The following ZNF385B variants were observed in gnomAD, a reference collection of about 807,000 sequenced individuals.
ZNF385B encodes the protein zinc finger protein 533.
ZNF385B carries 23 observed loss-of-function variants against 39.2 expected under a neutral mutation model. The ratio of observed to expected loss-of-function variants is 0.59; its 90% CI spans 0.42 to 0.83. ZNF385B has a LOEUF of 0.83. Among genes scored for constraint, ZNF385B ranks in the 40% least tolerant of loss-of-function variants. ZNF385B has a pLI of 0.00. For synonymous variants in ZNF385B, 205 were observed against 222.6 expected (o/e 0.92, Z 0.70); for missense variants, 552 against 598.9 (o/e 0.92, Z 0.82).
In ZNF385B at chr2:179,581,900, G is replaced by A. The variant is rs1228185997; in HGVS notation, c.299-36931C>T. Among the ~76,000 whole-genome samples, 5 of 152,152 alleles carry A rather than the reference G, an allele frequency of 3.3e-5. No homozygotes were observed. The South Asian group carries it at 8.3e-4, about 25-fold the overall frequency. ...ACAACATGGAGTAGACTGGGCTCCC[G>A]ATAAGCTGTAATACCATTTCTGAAT... On this transcript the variant is annotated intron_variant, in intron 3 of 9. Transcript: ENST00000410066.
chr2:179,812,756 C>G (rs1365758555), intron 1 of ZNF385B, among the ~76,000 whole-genome samples: 1 of 152,080 alleles, frequency 6.6e-6, no homozygotes, highest in Non-Finnish European at 1.5e-5. Context: ...TAGAAAGTAT[C>G]AAAAACAAAG....
At chr2:179,841,312 T>C (rs573512022) in intron 1 of ZNF385B, among the ~76,000 whole-genome samples, 1 of 152,212 alleles carries the variant, frequency 6.6e-6, no homozygotes, top group East Asian at 1.9e-4. Context: ...GTGGAGAGTT[T>C]TGATACAAGA....
intron 3 of ZNF385B, among the ~76,000 whole-genome samples, chr2:179,594,354 A>G (rs1465134347): frequency 1.3e-5 from 2 of 152,210 alleles, no homozygotes; most frequent in African/African-American, 4.8e-5. Flanking sequence ...AAAATGGTCC[A>G]GTGCTCTCAA....
intron 1 of ZNF385B, among the ~76,000 whole-genome samples, chr2:179,850,831 G>C (rs915716882): frequency 1.3e-5 from 2 of 152,162 alleles, no homozygotes; most frequent in Non-Finnish European, 2.9e-5. Flanking sequence ...AGTGTGGTAT[G>C]ACCTTTCCAA....
At chr2:179,620,638 T>G (rs1690133007) in intron 3 of ZNF385B, among the ~76,000 whole-genome samples, 1 of 152,140 alleles carries the variant, frequency 6.6e-6, no homozygotes, top group Admixed American at 6.6e-5. Flanking sequence ...AAGCTAATTT[T>G]GGCAGATCGG....
chr2:179,582,323 T>C lies in ZNF385B; in HGVS notation c.299-37354A>G, dbSNP rs553811722. Among the ~76,000 whole-genome samples, 8 of 152,330 alleles carry C rather than the reference T, an allele frequency of 5.3e-5. No homozygotes were observed. The South Asian group carries it at 1.7e-3, about 32-fold the overall frequency. On this transcript the variant is annotated intron_variant, in intron 3 of 9. Transcript: ENST00000410066. ...ACCCTTATTTTTCTAATAAAGTGTC[T>C]AGCAGTTGGTTACCAGCTCCTCCAG...
intron 3 of ZNF385B, among the ~76,000 whole-genome samples, chr2:179,757,961 T>C (rs371388919): frequency 4.1e-3 from 621 of 152,020 alleles, no homozygotes; most frequent in Middle Eastern, 0.014. Flanking sequence ...TGGGCTGCAC[T>C]CACTGTCCCG....
chr2:179,666,393 T>C (rs1695162430), intron 3 of ZNF385B, among the ~76,000 whole-genome samples: 2 of 152,214 alleles, frequency 1.3e-5, no homozygotes, highest in South Asian at 4.1e-4. Context: ...ATCAGTAATA[T>C]ACTGTTTTCC....
intron 6 of ZNF385B, among the ~76,000 whole-genome samples, chr2:179,459,617 A>G (rs533896911): frequency 0.034 from 4,199 of 123,212 alleles, 192 homozygotes; most frequent in African/African-American, 0.12. Context: ...GTGTGTGTGT[A>G]TGTGTGTGTG....
intron 3 of ZNF385B, among the ~76,000 whole-genome samples, chr2:179,658,476 T>C (rs573378128): frequency 3.9e-5 from 6 of 152,326 alleles, no homozygotes; most frequent in African/African-American, 1.4e-4. Flanking sequence ...AATCATTTCA[T>C]ACAGGAAATG....
chr2:179,601,862 T>C (rs1376786263), intron 3 of ZNF385B, among the ~76,000 whole-genome samples: 1 of 152,164 alleles, frequency 6.6e-6, no homozygotes, highest in Admixed American at 6.5e-5. Flanking sequence ...AAATATGCCA[T>C]GAGGACTATC....
At chr2:179,671,715 C>G (rs190980375) in intron 3 of ZNF385B, among the ~76,000 whole-genome samples, 78 of 152,334 alleles carry the variant, frequency 5.1e-4, no homozygotes, top group Admixed American at 4.2e-3. Context: ...TGTCTCAAGG[C>G]TCTGCCACCT....
At position 179,518,594 on chromosome 2, in the gene ZNF385B, T is replaced by C. The variant is rs772203058; in HGVS notation, c.486A>G (p.Val162=). Residue 162 remains valine, a synonymous_variant, in exon 5 of 10, where the codon GTA becomes GTG. Coordinates refer to ENST00000410066, the MANE Select transcript of ZNF385B (RefSeq NM_152520.6). The stretch of plus-strand genomic sequence containing the variant: ...CTTGTTTCTTCTTTGGGGGAATGGA[T>C]ACTCCAAATGTATGGTTAATAACCG... ...QKAVINHTFG[V]SIPPKKKQVI... The C allele has an allele frequency of 8.1e-6, 13 of 1,608,636 alleles. No individual in the cohort carries two copies. The highest frequency in any genetic ancestry group is 1.1e-5 in the Non-Finnish European group (13 of 1,178,258).
intron 1 of ZNF385B, among the ~76,000 whole-genome samples, chr2:179,788,722 G>A (rs551883685): frequency 6.6e-6 from 1 of 152,306 alleles, no homozygotes; most frequent in African/African-American, 2.4e-5. Context: ...CAAAATCCGA[G>A]ACTGTTCAGA....
chr2:179,573,517 T>G (rs1448084709), intron 3 of ZNF385B, among the ~76,000 whole-genome samples: 2 of 152,144 alleles, frequency 1.3e-5, no homozygotes, highest in Non-Finnish European at 2.9e-5. Context: ...ATTTATCATT[T>G]TGCTCAATAT....
intron 1 of ZNF385B, among the ~76,000 whole-genome samples, chr2:179,781,447 T>C (rs1376560575): frequency 6.6e-6 from 1 of 152,186 alleles, no homozygotes; most frequent in Non-Finnish European, 1.5e-5. Flanking sequence ...GTTGCTTGAA[T>C]ATACATATTG....
chr2:179,735,897 G>T, intron 3 of ZNF385B, among the ~76,000 whole-genome samples: 1 of 114,496 alleles, frequency 8.7e-6, no homozygotes, highest in East Asian at 3.3e-4. Flanking sequence ...TGGGGGGAGG[G>T]GGGAGGGATA....
At chr2:179,459,671 CTTAA>C (rs1415066018) in intron 6 of ZNF385B, among the ~76,000 whole-genome samples, 1 of 149,892 alleles carries the variant, frequency 6.7e-6, no homozygotes, top group Non-Finnish European at 1.5e-5. Flanking sequence ...AAATGTAAAT[CTTAA>C]TTTATAAGTC....
At chr2:179,715,049 A>C (rs987741155) in intron 3 of ZNF385B, among the ~76,000 whole-genome samples, 3 of 151,368 alleles carry the variant, frequency 2.0e-5, no homozygotes, top group African/African-American at 7.3e-5. Flanking sequence ...CTACCCCCAA[A>C]CCATGCACAT....
Sources: allele counts gnomAD v4.1 joint callset (sites outside exome capture counted in the v4.1 genomes callset), GRCh38; gene constraint gnomAD v4.1.1; transcripts MANE v1.5; gene names NCBI Gene and HGNC (gene_info 2026-07-23, HGNC 2026-07-21).